Variants in DYSF observed in about 807,000 individuals in gnomAD.
The protein encoded by DYSF is dystrophy-associated fer-1-like 1.
In DYSF, 212 loss-of-function variants were observed where a neutral mutation model predicts 274.9. The observed-to-expected ratio is 0.77, with a 90% CI of 0.69 to 0.86. DYSF has a LOEUF of 0.86. Ranked by LOEUF, DYSF falls within the 40% of genes least tolerant of loss-of-function variation. The probability of loss-of-function intolerance (pLI) is 0.00; values close to 1 mark genes in which losing one functional copy is unlikely to be tolerated. For synonymous variants in DYSF, 1,091 were observed against 1,078.7 expected (o/e 1.01, Z -0.22); for missense variants, 2,666 against 2,783.2 (o/e 0.96, Z 0.95).
chr2:71,506,157 GAGCTCAGTGT>G (rs1471295129), intron 4 of DYSF, among the ~76,000 whole-genome samples: 2 of 152,034 alleles, frequency 1.3e-5, no homozygotes, highest in Non-Finnish European at 2.9e-5. Flanking sequence ...TGGTTTTGAT[GAGCTCAGTGT>G]TGGAGAGCTG....
chr2:71,544,757 C>T (rs2090331146), intron 17 of DYSF, among the ~76,000 whole-genome samples: 1 of 152,200 alleles, frequency 6.6e-6, no homozygotes, highest in Non-Finnish European at 1.5e-5. Context: ...ACATTGTTAA[C>T]TTAGACTTCT....
rs199569685 is a variant in DYSF at position 71,453,955 on chromosome 2, C to T, written c.-44C>T. The T allele has an allele frequency of 2.3e-4, 368 of 1,604,858 alleles. 1 individual carries two copies. In the African/African-American group the frequency reaches 4.3e-3, roughly 19 times the overall value. ...CCTCGGCCCTCCCGACCTTTCCGAGCCCTCTTTGCGCCCTGGGCGCACGGG... is the reference window on the plus strand; with the variant it reads ...CCTCGGCCCTCCCGACCTTTCCGAGTCCTCTTTGCGCCCTGGGCGCACGGG... On this transcript the variant is annotated 5_prime_UTR_variant, in exon 1 of 55. Coordinates refer to the DYSF transcript ENST00000258104.
intron 14 of DYSF, among the ~76,000 whole-genome samples, chr2:71,533,401 A>G (rs1259306582): frequency 1.3e-5 from 2 of 152,198 alleles, no homozygotes; most frequent in African/African-American, 4.8e-5. Context: ...TCACTTAATC[A>G]TATAACTTGG....
In DYSF at chr2:71,658,937, G is replaced by A; in HGVS notation, c.4815G>A (p.Gln1605=). The A allele has an allele frequency of 6.2e-7, 1 of 1,614,142 alleles. No individual in the cohort carries two copies. The highest frequency in any genetic ancestry group is 8.5e-7 in the Non-Finnish European group (1 of 1,180,020). The change falls in exon 44 of 56, where the codon CAG becomes CAA. Residue 1605 remains glutamine (Q), a synonymous_variant. Coordinates refer to ENST00000410020, the MANE Select transcript of DYSF (RefSeq NM_001130987.2). ...EDPAIPMPPR[Q]FHQLAAQGPQ... ...CAGCCATCCCCATGCCCCCAAGACA[G>A]TTCCACCAGCTGGCCGCCCAGGGAC...
chr2:71,659,670 T>G (rs1306118364), intron 44 of DYSF, among the ~76,000 whole-genome samples: 1 of 152,238 alleles, frequency 6.6e-6, no homozygotes, highest in East Asian at 1.9e-4. Context: ...TTCCTTACAT[T>G]TTGTGCCCAA....
intron 4 of DYSF, among the ~76,000 whole-genome samples, chr2:71,510,236 C>T (rs1573615511): frequency 6.6e-6 from 1 of 152,160 alleles, no homozygotes; most frequent in East Asian, 1.9e-4. Flanking sequence ...GAAGAAAGTC[C>T]CAGGACAGTT....
chr2:71,608,424 T>C (rs1346420445), intron 36 of DYSF, among the ~76,000 whole-genome samples: 1 of 152,052 alleles, frequency 6.6e-6, no homozygotes. Context: ...GGAAGAAGCA[T>C]GTCCTGGGAC....
intron 1 of DYSF, among the ~76,000 whole-genome samples, chr2:71,479,252 T>C (rs903428958): frequency 6.6e-6 from 1 of 151,890 alleles, no homozygotes; most frequent in African/African-American, 2.4e-5. Flanking sequence ...TTACTGGAAG[T>C]GCCCAGGGCA....
intron 22 of DYSF, among the ~76,000 whole-genome samples, chr2:71,560,090 G>A (rs113107388): frequency 6.6e-6 from 1 of 152,198 alleles, no homozygotes; most frequent in African/African-American, 2.4e-5. Flanking sequence ...TTTGCTTAGG[G>A]CTGGGTGGAG....
intron 1 of DYSF, among the ~76,000 whole-genome samples, chr2:71,454,277 A>C (rs1047034836): frequency 3.3e-5 from 5 of 152,172 alleles, no homozygotes; most frequent in Admixed American, 1.3e-4. Flanking sequence ...CTGGAAGGAG[A>C]GAGGTGTCTG....
At chr2:71,607,268 G>A (rs2093664239) in intron 36 of DYSF, among the ~76,000 whole-genome samples, 1 of 152,180 alleles carries the variant, frequency 6.6e-6, no homozygotes, top group Non-Finnish European at 1.5e-5. Flanking sequence ...AAGCCTCAAA[G>A]CTAAAAGAGC....
chr2:71,598,819 C>A, intron 33 of DYSF, 74 bp downstream of exon 33: 1 of 1,564,064 alleles, frequency 6.4e-7, no homozygotes. Flanking sequence ...TCCAGGGACT[C>A]GTGGCTGCCC....
intron 52 of DYSF, among the ~76,000 whole-genome samples, chr2:71,675,527 G>A (rs933421069): frequency 6.6e-6 from 1 of 152,202 alleles, no homozygotes; most frequent in Non-Finnish European, 1.5e-5. Flanking sequence ...GCAGTGGGGA[G>A]AAGGCTGCCT....
rs775744748 is a variant in DYSF at position 71,677,892 on chromosome 2, C to T, written c.5885-1165C>T. On this transcript the variant is annotated intron_variant, in intron 52 of 55. Coordinates refer to ENST00000410020, the MANE Select transcript of DYSF (RefSeq NM_001130987.2). ...AGGGACTCAGACATTTGTGTGCTAA[C>T]GTTCACTGCAACATTATTCATAATA... Among the ~76,000 whole-genome samples the T allele has an allele frequency of 7.2e-5, 11 of 152,272 alleles. 1 individual carries two copies. The highest frequency in any genetic ancestry group is 4.1e-4 in the South Asian group (2 of 4,822).
At chr2:71,584,312 T>G (rs2092993591) in intron 30 of DYSF, among the ~76,000 whole-genome samples, 1 of 152,136 alleles carries the variant, frequency 6.6e-6, no homozygotes, top group Non-Finnish European at 1.5e-5. Flanking sequence ...CTTGTCCACC[T>G]GGCCAAGCCT....
chr2:71,667,500 G>C lies in DYSF; in HGVS notation c.5442G>C (p.Gln1814His). The C allele has an allele frequency of 1.9e-6, 3 of 1,614,116 alleles. No individual in the cohort carries two copies. Among genetic ancestry groups the C allele is most frequent in the Non-Finnish European group, 2.5e-6 (3 of 1,179,998 alleles). Reference sequence around the variant, plus strand: ...CACGGCCCCTCTACAGCCCCCTGCAGCCAGACATCGAGCAGGTAGGACCTT... The same window carrying C: ...CACGGCCCCTCTACAGCCCCCTGCACCCAGACATCGAGCAGGTAGGACCTT... ...VESRPLYSPL[Q>H]PDIEQGKLQM... The change falls in exon 48 of 56, where the codon CAG becomes CAC. Residue 1814 changes from glutamine to histidine, a missense_variant. This residue lies in a region of DYSF where 1,460 missense variants were observed against 1,502.1 expected (regional missense o/e 0.97). Transcript: ENST00000410020.
intron 4 of DYSF, among the ~76,000 whole-genome samples, chr2:71,507,255 C>T (rs763713249): frequency 6.6e-5 from 10 of 152,210 alleles, no homozygotes; most frequent in Non-Finnish European, 1.2e-4. Flanking sequence ...AAGGGGCGCT[C>T]TTCCAGGGGA....
At chr2:71,623,926 A>G (rs1301440366) in intron 41 of DYSF, among the ~76,000 whole-genome samples, 1 of 152,084 alleles carries the variant, frequency 6.6e-6, no homozygotes, top group Non-Finnish European at 1.5e-5. Context: ...AAAATTAGCC[A>G]GGTGTGGTGG....
At chr2:71,648,728 A>G (rs1304650527) in intron 42 of DYSF, among the ~76,000 whole-genome samples, 2 of 152,210 alleles carry the variant, frequency 1.3e-5, no homozygotes, top group East Asian at 3.8e-4. Flanking sequence ...TTGGGTAGTC[A>G]TACCTCCTCC....
Sources: allele counts gnomAD v4.1 joint callset (sites outside exome capture counted in the v4.1 genomes callset), GRCh38; gene constraint gnomAD v4.1.1; regional missense constraint gnomAD v4.1.1; transcripts MANE v1.5; gene names NCBI Gene and HGNC (gene_info 2026-07-23, HGNC 2026-07-21).